The following FAM13A variants were observed in gnomAD, a reference collection of about 807,000 sequenced individuals.
FAM13A encodes the protein protein FAM13A.
A neutral mutation model predicts 129.6 loss-of-function variants in FAM13A; 76 were observed. The observed-to-expected ratio is 0.59, with a 90% CI of 0.49 to 0.71. The LOEUF (loss-of-function observed/expected upper bound fraction) is 0.71, where lower values mean the gene tolerates loss of function less well. FAM13A is among the 30% of genes least tolerant of loss of function. The pLI is 0.00. For synonymous variants in FAM13A, 443 were observed against 449.9 expected (o/e 0.98, Z 0.20); for missense variants, 1,108 against 1,249.3 (o/e 0.89, Z 1.70).
chr4:88,737,822 A>G (rs1350170993), intron 20 of FAM13A, among the ~76,000 whole-genome samples: 2 of 152,058 alleles, frequency 1.3e-5, no homozygotes, highest in African/African-American at 4.8e-5. Context: ...CGCAGAAGAA[A>G]CCCGAGGAGA....
At position 88,747,490 on chromosome 4, in the gene FAM13A, C is replaced by T; in HGVS notation, c.2382+141G>A. On this transcript the variant is annotated intron_variant, in intron 18 of 23. Transcript: ENST00000264344. ...CAGTTAACGCACTCTGCAGCTGTTTCATCAGCTTCCCTAGACACGTAACAG... is the reference window on the plus strand; with the variant it reads ...CAGTTAACGCACTCTGCAGCTGTTTTATCAGCTTCCCTAGACACGTAACAG... 3 of 710,646 alleles carry T rather than the reference C, an allele frequency of 4.2e-6. No individual in the cohort carries two copies. In the South Asian group the frequency reaches 5.3e-5, roughly 13 times the overall value. The allele number at this position is 710,646 out of a possible 1,614,324, so 44.0% of individuals were successfully genotyped here.
At chr4:88,907,958 C>T (rs1748432818) in intron 5 of FAM13A, among the ~76,000 whole-genome samples, 1 of 152,180 alleles carries the variant, frequency 6.6e-6, no homozygotes, top group African/African-American at 2.4e-5. Flanking sequence ...CATGTCTGGA[C>T]CACAAAGTAG....
intron 7 of FAM13A, among the ~76,000 whole-genome samples, chr4:88,846,834 C>T (rs1370226209): frequency 6.6e-6 from 1 of 152,090 alleles, no homozygotes. Context: ...GTGTATTTTC[C>T]ACACATGCAC....
chr4:88,806,207 CA>C (rs1728525988), intron 7 of FAM13A, among the ~76,000 whole-genome samples: 1 of 151,866 alleles, frequency 6.6e-6, no homozygotes, highest in Admixed American at 6.6e-5. Context: ...CATCATTAAA[CA>C]GATAAAAGTA....
chr4:89,002,176 C>CA (rs11370599), intron 3 of FAM13A, among the ~76,000 whole-genome samples: 55,268 of 114,474 alleles, frequency 0.48, 12,832 homozygotes, highest in Middle Eastern at 0.57. Flanking sequence ...CACCCAACGG[C>CA]AAAAAAAAAA....
chr4:88,872,580 G>A (rs550772437), intron 6 of FAM13A, among the ~76,000 whole-genome samples: 5 of 152,176 alleles, frequency 3.3e-5, no homozygotes, highest in Non-Finnish European at 7.3e-5. Flanking sequence ...TCAACAAGAA[G>A]AGCTAACTAT....
At chr4:88,857,349 C>T (rs1378775110) in intron 6 of FAM13A, among the ~76,000 whole-genome samples, 1 of 151,986 alleles carries the variant, frequency 6.6e-6, no homozygotes, top group East Asian at 1.9e-4. Context: ...ATGTTGAGGC[C>T]AAGTGTGGTG....
intron 1 of FAM13A, among the ~76,000 whole-genome samples, 175 bp downstream of exon 1, chr4:89,056,763 T>C (rs1056286478): frequency 5.9e-5 from 9 of 152,126 alleles, no homozygotes; most frequent in African/African-American, 2.2e-4. Flanking sequence ...CTGAATGCCA[T>C]CCCAAATCCT....
rs566496243 is a variant in FAM13A, at chr4:88,937,999, T to C, written c.759+89A>G. ...CAGGAATAATAATCTGAGGGTTATA[T>C]CCATATGGAATTTTTATGAGAAAGA... On this transcript the variant is annotated intron_variant, in intron 5 of 23. Coordinates refer to ENST00000264344, the MANE Select transcript of FAM13A (RefSeq NM_014883.4). 21 of 940,858 alleles carry C rather than the reference T, an allele frequency of 2.2e-5. No homozygotes were observed. In the African/African-American group the frequency reaches 3.2e-4, roughly 14 times the overall value. The allele number at this position is 940,858 out of a possible 1,614,324, so 58.3% of individuals were successfully genotyped here. A position where few individuals can be genotyped will look rare whatever the true frequency, so the allele number is the denominator to read the frequency against.
chr4:89,026,648 C>T (rs1323394428), intron 2 of FAM13A, among the ~76,000 whole-genome samples: 1 of 152,078 alleles, frequency 6.6e-6, no homozygotes, highest in Non-Finnish European at 1.5e-5. Flanking sequence ...AGGGAAGAGC[C>T]CCTTATGAAA....
chr4:89,024,578 G>A (rs983583551), intron 2 of FAM13A, among the ~76,000 whole-genome samples: 1 of 152,072 alleles, frequency 6.6e-6, no homozygotes, highest in Non-Finnish European at 1.5e-5. Flanking sequence ...TTACATGAAT[G>A]GTCACCCCTA....
chr4:88,989,065 G>A (rs1244065504), intron 4 of FAM13A, among the ~76,000 whole-genome samples: 2 of 151,462 alleles, frequency 1.3e-5, no homozygotes, highest in African/African-American at 4.9e-5. Flanking sequence ...AAAATTAGCC[G>A]GGCATGATGG....
intron 5 of FAM13A, among the ~76,000 whole-genome samples, chr4:88,926,920 A>T (rs1752281574): frequency 6.6e-6 from 1 of 152,108 alleles, no homozygotes; most frequent in South Asian, 2.1e-4. Flanking sequence ...TATTTCTTAC[A>T]TGCATATATT....
At chr4:88,788,071 G>A (rs1286137741) in intron 9 of FAM13A, 139 bp from the exon 10 acceptor site, 1 of 590,732 alleles carries the variant, frequency 1.7e-6, no homozygotes, top group African/African-American at 1.9e-5. Flanking sequence ...GAGAGATGAT[G>A]AGGCATTAAT....
chr4:88,774,639 T>C (rs2149580929), intron 11 of FAM13A, among the ~76,000 whole-genome samples: 1 of 152,284 alleles, frequency 6.6e-6, no homozygotes, highest in African/African-American at 2.4e-5. Flanking sequence ...GAGAGGAAAG[T>C]GAGTAGAAGC....
chr4:88,967,380 T>A (rs549411120), intron 4 of FAM13A, among the ~76,000 whole-genome samples: 1 of 152,332 alleles, frequency 6.6e-6, no homozygotes, highest in East Asian at 1.9e-4. Flanking sequence ...CACAATCTTA[T>A]TTAATTTTTT....
chr4:88,965,110 C>T (rs373199330), intron 4 of FAM13A, among the ~76,000 whole-genome samples: 48 of 152,302 alleles, frequency 3.2e-4, no homozygotes, highest in African/African-American at 1.1e-3. Context: ...TAAGGCAAGA[C>T]CTTACCAAAT....
chr4:88,906,450 T>G lies in FAM13A; in HGVS notation c.772A>C (p.Lys258Gln). The part of the protein sequence containing the change: ...RLIIVKEVYY[K>Q]NSLPILLTRG... ...GTTAAAAGGATGGGCAGGGAGTTCT[T>G]ATAATAGACCTCCTACAAAAGAAGT... Residue 258 changes from lysine to glutamine, a missense_variant, in exon 6 of 24, where the codon AAG (lysine) becomes CAG (glutamine). By Grantham distance (53) the Lys-to-Gln change is moderately conservative. Transcript: ENST00000264344. 6.2e-7 allele frequency: 1 copy of G among 1,604,204 alleles called. No individual in the cohort carries two copies. Among genetic ancestry groups the G allele is most frequent in the Non-Finnish European group, 8.5e-7 (1 of 1,173,532 alleles).
chr4:88,744,173 A>G (rs560878000), intron 19 of FAM13A, among the ~76,000 whole-genome samples: 5 of 152,284 alleles, frequency 3.3e-5, no homozygotes, highest in Non-Finnish European at 7.4e-5. Flanking sequence ...TAAGATTAAA[A>G]TACTCCATTG....
Sources: gnomAD v4.1 joint callset for allele counts (sites outside exome capture counted in the v4.1 genomes callset) on GRCh38, gnomAD v4.1.1 for gene constraint, MANE v1.5 for transcripts, NCBI Gene and HGNC (gene_info 2026-07-23, HGNC 2026-07-21) for gene names.